VPS13B: variants seen among roughly 807,000 people sequenced by gnomAD.
The protein encoded by VPS13B is vacuolar protein sorting 13 homolog B.
A neutral mutation model predicts 426.4 loss-of-function variants in VPS13B; 285 were observed. That is an observed-to-expected ratio of 0.67 (90% CI 0.61 to 0.74). The LOEUF (loss-of-function observed/expected upper bound fraction) is 0.74, where lower values mean the gene tolerates loss of function less well. Ranked by LOEUF, VPS13B falls within the 30% of genes least tolerant of loss-of-function variation. The pLI, the probability that VPS13B is intolerant of heterozygous loss-of-function variation, is 0.00. For synonymous variants in VPS13B, 1,676 were observed against 1,676.4 expected (o/e 1.00, Z 0.01); for missense variants, 4,537 against 4,782.6 (o/e 0.95, Z 1.51).
chr8:99,125,742 G>C (rs2132530159), intron 8 of VPS13B, among the ~76,000 whole-genome samples: 1 of 152,276 alleles, frequency 6.6e-6, no homozygotes, highest in East Asian at 1.9e-4. Context: ...AAATGCCACT[G>C]AATTGTATAT....
At chr8:99,692,561 T>A (rs1394722333) in intron 35 of VPS13B, among the ~76,000 whole-genome samples, 2 of 143,720 alleles carry the variant, frequency 1.4e-5, no homozygotes, top group African/African-American at 5.4e-5. Flanking sequence ...GAGGGAAATT[T>A]ATAGCACTAA....
chr8:99,260,018 C>T (rs1006427042), intron 17 of VPS13B, among the ~76,000 whole-genome samples: 2 of 151,914 alleles, frequency 1.3e-5, no homozygotes, highest in Non-Finnish European at 2.9e-5. Flanking sequence ...AAGAGAGACA[C>T]AAGATACTAT....
chr8:99,493,892 G>A (rs1820756831), intron 25 of VPS13B, among the ~76,000 whole-genome samples: 1 of 151,296 alleles, frequency 6.6e-6, no homozygotes. Flanking sequence ...AGAGAACACA[G>A]AGAAGCATCT....
intron 30 of VPS13B, among the ~76,000 whole-genome samples, chr8:99,534,962 A>G (rs749708700): frequency 2.0e-5 from 3 of 152,154 alleles, no homozygotes; most frequent in Non-Finnish European, 4.4e-5. Context: ...AGTGTGAGAA[A>G]CCTGTAAATG....
intron 19 of VPS13B, among the ~76,000 whole-genome samples, chr8:99,293,781 A>G (rs1280760872): frequency 1.3e-5 from 2 of 152,152 alleles, no homozygotes; most frequent in Non-Finnish European, 2.9e-5. Flanking sequence ...CAAAAAATAC[A>G]TGAAAAAATG....
At chr8:99,697,717 C>T in intron 35 of VPS13B, 1 of 630,672 alleles carries the variant, frequency 1.6e-6, no homozygotes, top group Non-Finnish European at 3.0e-6. Flanking sequence ...CCAGGGCCTG[C>T]AAGCTGGGCC....
Position 99,875,786 on chromosome 8 carries a change from C to CTCAACCCACAAGT in VPS13B, c.*121_*133dup. The CTCAACCCACAAGT allele has an allele frequency of 7.5e-7, 1 of 1,340,460 alleles. No homozygotes were observed. The highest frequency in any genetic ancestry group is 1.0e-6 in the Non-Finnish European group (1 of 957,548). The allele number at this position is 1,340,460 out of a possible 1,614,324, so 83.0% of individuals were successfully genotyped here. A position where few individuals can be genotyped will look rare whatever the true frequency, so the allele number is the denominator to read the frequency against. ...TCTGGGGTTCAAGCAATCCTCCCACCTCAACCCACAAGTAGCTACGACTGC... is the reference window on the plus strand; with the variant it reads ...TCTGGGGTTCAAGCAATCCTCCCACCTCAACCCACAAGTTCAACCCACAAGTAGCTACGACTGC... On this transcript the variant is annotated 3_prime_UTR_variant, in exon 62 of 62. Transcript: ENST00000357162.
intron 43 of VPS13B, among the ~76,000 whole-genome samples, chr8:99,795,678 A>C (rs1037048378): frequency 1.3e-5 from 2 of 152,196 alleles, no homozygotes; most frequent in Admixed American, 6.5e-5. Flanking sequence ...CATCACATGG[A>C]GCTGCACTCC....
intron 39 of VPS13B, among the ~76,000 whole-genome samples, chr8:99,757,220 T>G (rs2130572038): frequency 6.6e-6 from 1 of 152,264 alleles, no homozygotes; most frequent in South Asian, 2.1e-4. Context: ...TCCTCTGCTG[T>G]AACCAAACTC....
rs192311466 is a variant in VPS13B, at chr8:99,100,562, T to G, written c.413-2391T>G. 5.2e-4 allele frequency among the ~76,000 whole-genome samples: 79 copies of G among 152,160 alleles called. 1 individual carries two copies. Among genetic ancestry groups the G allele is most frequent in the African/African-American group, 1.8e-3 (75 of 41,524 alleles). The stretch of plus-strand genomic sequence containing the variant: ...GCTTCGGCCTCCCAAAGTGCTGGGA[T>G]TATAGGTGTAAGCCACCATGCCCAG... On this transcript the variant is annotated intron_variant, in intron 4 of 61. Transcript: ENST00000357162.
At chr8:99,620,876 C>T (rs1190603623) in intron 33 of VPS13B, among the ~76,000 whole-genome samples, 1 of 150,362 alleles carries the variant, frequency 6.7e-6, no homozygotes, top group Admixed American at 6.7e-5. Flanking sequence ...AATCCCACTA[C>T]TTAGGAGGCT....
intron 29 of VPS13B, among the ~76,000 whole-genome samples, chr8:99,514,133 C>T (rs1440287412): frequency 6.6e-6 from 1 of 152,158 alleles, no homozygotes; most frequent in Non-Finnish European, 1.5e-5. Flanking sequence ...GACTTGTTTT[C>T]ACCATCCATG....
chr8:99,508,581 A>T (rs1360493167), intron 28 of VPS13B, among the ~76,000 whole-genome samples: 1 of 152,166 alleles, frequency 6.6e-6, no homozygotes, highest in Non-Finnish European at 1.5e-5. Context: ...TCTTTAGTGC[A>T]GGAAAAAAAT....
At chr8:99,329,646 T>A (rs1810453079) in intron 19 of VPS13B, among the ~76,000 whole-genome samples, 1 of 152,096 alleles carries the variant, frequency 6.6e-6, no homozygotes, top group East Asian at 1.9e-4. Flanking sequence ...TCAGCTGTAG[T>A]GGATTACATT....
intron 14 of VPS13B, among the ~76,000 whole-genome samples, chr8:99,148,333 C>T (rs1381798642): frequency 2.0e-5 from 3 of 147,712 alleles, no homozygotes; most frequent in Non-Finnish European, 4.5e-5. Context: ...CACTACACTT[C>T]AGCCTGGGTG....
chr8:99,489,383 C>A (rs192063576), intron 25 of VPS13B, among the ~76,000 whole-genome samples: 1 of 151,114 alleles, frequency 6.6e-6, no homozygotes, highest in Non-Finnish European at 1.5e-5. Context: ...CTTGGCAATG[C>A]GGGCTCTTTT....
At chr8:99,409,951 A>G (rs893359515) in intron 21 of VPS13B, among the ~76,000 whole-genome samples, 5 of 152,084 alleles carry the variant, frequency 3.3e-5, no homozygotes, top group Non-Finnish European at 7.3e-5. Context: ...ATATATTCTC[A>G]CTTATAAGTT....
intron 16 of VPS13B, among the ~76,000 whole-genome samples, chr8:99,181,736 TAA>T (rs2132696453): frequency 6.6e-6 from 1 of 152,286 alleles, no homozygotes; most frequent in African/African-American, 2.4e-5. Flanking sequence ...AAAGATTGTA[TAA>T]AGTTTTATTT....
At chr8:99,440,569 A>G (rs1817633003) in intron 22 of VPS13B, among the ~76,000 whole-genome samples, 1 of 152,158 alleles carries the variant, frequency 6.6e-6, no homozygotes, top group South Asian at 2.1e-4. Context: ...AATTTTAATT[A>G]TATGATTCTT....
Sources: gnomAD v4.1 joint callset for allele counts (sites outside exome capture counted in the v4.1 genomes callset) on GRCh38, gnomAD v4.1.1 for gene constraint, MANE v1.5 for transcripts, NCBI Gene and HGNC (gene_info 2026-07-23, HGNC 2026-07-21) for gene names.